The following SGPP2 variants were observed in gnomAD, a reference collection of about 807,000 sequenced individuals.
SGPP2 encodes sphingosine-1-phosphate phosphatase 2.
A neutral mutation model predicts 33.9 loss-of-function variants in SGPP2; 30 were observed. The ratio of observed to expected loss-of-function variants is 0.89; its 90% CI spans 0.66 to 1.20. The LOEUF is 1.20. Among genes scored for constraint, SGPP2 ranks in the 50% most tolerant of loss-of-function variants. The probability of loss-of-function intolerance (pLI) is 0.00; values close to 1 mark genes in which losing one functional copy is unlikely to be tolerated. For missense variants in SGPP2, 458 were observed against 532.1 expected, an observed-to-expected ratio of 0.86 and a Z score of 1.37; for synonymous variants, 233 against 225.0, an observed-to-expected ratio of 1.04 and a Z score of -0.32.
chr2:222,437,328 T>A (rs1697257088), intron 1 of SGPP2, among the ~76,000 whole-genome samples: 1 of 152,240 alleles, frequency 6.6e-6, no homozygotes, highest in South Asian at 2.1e-4. Flanking sequence ...CTGGTGCACT[T>A]CTTGAAGTTC....
chr2:222,439,406 C>A (rs1324403193), intron 1 of SGPP2, among the ~76,000 whole-genome samples: 1 of 152,134 alleles, frequency 6.6e-6, no homozygotes. Context: ...GCGGCATGCA[C>A]CTGTAACCCC....
chr2:222,443,474 A>G (rs1389993197), intron 1 of SGPP2, among the ~76,000 whole-genome samples: 1 of 152,138 alleles, frequency 6.6e-6, no homozygotes, highest in East Asian at 1.9e-4. Flanking sequence ...GAGAACATGC[A>G]GTATCTGGGT....
chr2:222,561,405 G>C lies in SGPP2; in HGVS notation c.*2507G>C, dbSNP rs560610888. Among the ~76,000 whole-genome samples, 13 of 152,126 alleles carry C rather than the reference G, an allele frequency of 8.5e-5. No homozygotes were observed. The East Asian group carries it at 2.5e-3, about 29-fold the overall frequency. ...TGGATATTTACACCAAATAATTGTGGTTGACTTGTCTGAAGCCAGCTGACA... is the reference window on the plus strand; with the variant it reads ...TGGATATTTACACCAAATAATTGTGCTTGACTTGTCTGAAGCCAGCTGACA... On this transcript the variant is annotated 3_prime_UTR_variant, in exon 5 of 5. Coordinates refer to ENST00000321276, the MANE Select transcript of SGPP2 (RefSeq NM_152386.4).
chr2:222,457,806 G>A (rs1051034516), intron 1 of SGPP2, among the ~76,000 whole-genome samples: 8 of 152,176 alleles, frequency 5.3e-5, no homozygotes, highest in Non-Finnish European at 1.2e-4. Context: ...TCCACCCCAG[G>A]GAGGGTAGAC....
intron 4 of SGPP2, among the ~76,000 whole-genome samples, chr2:222,526,967 T>C (rs1236594569): frequency 1.3e-5 from 2 of 152,186 alleles, no homozygotes; most frequent in African/African-American, 4.8e-5. Context: ...TCTGCACATG[T>C]ATCTCGGAAC....
rs182332284 is a variant in SGPP2 at position 222,452,002 on chromosome 2, C to T, written c.220-22566C>T. Among the ~76,000 whole-genome samples, 4 of 150,868 alleles carry T rather than the reference C, an allele frequency of 2.7e-5. No individual in the cohort carries two copies. The East Asian group carries it at 7.8e-4, about 30-fold the overall frequency. ...GACTCTTGAGCAACATGGATTTGAA[C>T]TGTTTGGGATCACTAATAATAGATT... On this transcript the variant is annotated intron_variant, in intron 1 of 4. Coordinates refer to ENST00000321276, the MANE Select transcript of SGPP2 (RefSeq NM_152386.4).
At chr2:222,491,389 G>T (rs1358763400) in intron 2 of SGPP2, among the ~76,000 whole-genome samples, 7 of 152,136 alleles carry the variant, frequency 4.6e-5, no homozygotes, top group Admixed American at 4.6e-4. Context: ...AACAACGGAG[G>T]TTTAATTGAC....
chr2:222,548,201 T>G (rs568300146), intron 4 of SGPP2, among the ~76,000 whole-genome samples: 1 of 152,248 alleles, frequency 6.6e-6, no homozygotes, highest in Non-Finnish European at 1.5e-5. Flanking sequence ...CAAAGTACTT[T>G]CCCTTTTATA....
chr2:222,558,676 C>T lies in SGPP2; in HGVS notation c.978C>T (p.Thr326=). The T allele has an allele frequency of 1.2e-6, 2 of 1,614,140 alleles. No individual in the cohort carries two copies. Among genetic ancestry groups the T allele is most frequent in the Non-Finnish European group, 1.7e-6 (2 of 1,180,024 alleles). The change falls in exon 5 of 5, where the codon ACC becomes ACT. Residue 326 remains threonine (T), a synonymous_variant. Coordinates refer to ENST00000321276, the MANE Select transcript of SGPP2 (RefSeq NM_152386.4). ...LTTYMLVLGL[T]KFAVGIVLIL... is the part of the protein sequence containing the mutation. ...CCTACATGTTAGTTTTGGGTCTGAC[C>T]AAATTTGCAGTGGGAATTGTGTTGA...
intron 2 of SGPP2, among the ~76,000 whole-genome samples, chr2:222,499,107 C>T (rs139341968): frequency 3.7e-3 from 569 of 152,336 alleles, no homozygotes; most frequent in Middle Eastern, 0.02. Context: ...TCATCAAACA[C>T]GGATTCTGTA....
intron 1 of SGPP2, among the ~76,000 whole-genome samples, chr2:222,442,682 A>C (rs1326392312): frequency 1.3e-5 from 2 of 152,240 alleles, no homozygotes; most frequent in Non-Finnish European, 2.9e-5. Flanking sequence ...CTAAGAATCT[A>C]AAATGCTTTT....
chr2:222,531,394 A>G (rs1270980626), intron 4 of SGPP2, among the ~76,000 whole-genome samples: 2 of 152,214 alleles, frequency 1.3e-5, no homozygotes, highest in East Asian at 3.8e-4. Flanking sequence ...AGCCTTGAAG[A>G]CATTATGTTA....
intron 2 of SGPP2, among the ~76,000 whole-genome samples, chr2:222,520,751 C>T (rs1481532385): frequency 2.0e-5 from 3 of 150,470 alleles, no homozygotes; most frequent in African/African-American, 7.3e-5. Flanking sequence ...AAAAACCCTC[C>T]ATATCGAGCC....
chr2:222,439,839 G>A (rs1697298048), intron 1 of SGPP2, among the ~76,000 whole-genome samples: 1 of 152,180 alleles, frequency 6.6e-6, no homozygotes, highest in Non-Finnish European at 1.5e-5. Context: ...TGTGGTGATG[G>A]AATGTTCTGT....
chr2:222,534,192 A>G (rs991586241), intron 4 of SGPP2, among the ~76,000 whole-genome samples: 2 of 152,230 alleles, frequency 1.3e-5, no homozygotes, highest in African/African-American at 4.8e-5. Context: ...GGCTCATCAT[A>G]CTATATTTAT....
intron 3 of SGPP2, among the ~76,000 whole-genome samples, chr2:222,524,415 T>C (rs751888358): frequency 2.0e-5 from 3 of 152,204 alleles, no homozygotes; most frequent in Non-Finnish European, 4.4e-5. Flanking sequence ...CAGCAGCAAA[T>C]GTTGAGAGTC....
intron 1 of SGPP2, among the ~76,000 whole-genome samples, chr2:222,466,310 G>A (rs535776210): frequency 7.0e-6 from 1 of 142,984 alleles, no homozygotes; most frequent in Admixed American, 7.3e-5. Flanking sequence ...CCAGGCTGGA[G>A]TGCAGTGGCG....
intron 2 of SGPP2, among the ~76,000 whole-genome samples, chr2:222,495,855 G>A (rs945353211): frequency 2.6e-5 from 4 of 152,118 alleles, no homozygotes; most frequent in African/African-American, 7.2e-5. Context: ...TCCATCTATA[G>A]ACCCCTGAAC....
chr2:222,486,916 A>C (rs1335232377), intron 2 of SGPP2, among the ~76,000 whole-genome samples: 1 of 152,204 alleles, frequency 6.6e-6, no homozygotes, highest in East Asian at 1.9e-4. Context: ...CATTAATTAA[A>C]AATTTTAAAT....
Sources: gnomAD v4.1 joint callset for allele counts (sites outside exome capture counted in the v4.1 genomes callset) on GRCh38, gnomAD v4.1.1 for gene constraint, MANE v1.5 for transcripts, NCBI Gene and HGNC (gene_info 2026-07-23, HGNC 2026-07-21) for gene names.